Variants in GANC observed in about 807,000 individuals in gnomAD.
GANC encodes neutral alpha-glucosidase C.
GANC carries 117 observed loss-of-function variants against 124.2 expected under a neutral mutation model. The observed-to-expected ratio is 0.94, with a 90% CI of 0.81 to 1.10. The LOEUF (loss-of-function observed/expected upper bound fraction) is 1.10, where lower values mean the gene tolerates loss of function less well. GANC is among the 50% of genes least tolerant of loss of function. The probability of loss-of-function intolerance (pLI) is 0.00; values close to 1 mark genes in which losing one functional copy is unlikely to be tolerated. For missense variants in GANC, 1,140 were observed against 1,095.0 expected (o/e 1.04, Z -0.58); for synonymous variants, 377 against 376.8 (o/e 1.00, Z -0.01).
chr15:42,338,309 T>C (rs576375437), intron 15 of GANC, 80 bp from the exon 16 acceptor site: 2 of 850,402 alleles, frequency 2.4e-6, no homozygotes, highest in South Asian at 4.0e-5. Flanking sequence ...AAGTTGTCTT[T>C]TACAAATAAG....
At chr15:42,309,771 C>A (rs1402795840) in intron 8 of GANC, among the ~76,000 whole-genome samples, 2 of 151,914 alleles carry the variant, frequency 1.3e-5, no homozygotes, top group Non-Finnish European at 2.9e-5. Flanking sequence ...GTAATCCCAG[C>A]ACTTTGGGAG....
At chr15:42,312,377 A>G (rs1159915249) in intron 10 of GANC, among the ~76,000 whole-genome samples, 1 of 152,164 alleles carries the variant, frequency 6.6e-6, no homozygotes, top group Non-Finnish European at 1.5e-5. Flanking sequence ...GTGATAGTGA[A>G]TGAGTCTCAT....
intron 12 of GANC, among the ~76,000 whole-genome samples, chr15:42,326,731 G>A (rs1233179133): frequency 6.6e-6 from 1 of 152,098 alleles, no homozygotes; most frequent in East Asian, 1.9e-4. Flanking sequence ...AAGCAGAGGA[G>A]GAGAAAGAAA....
rs1268372132 is a variant in GANC, at chr15:42,353,029, AC to A, written c.*892del. On this transcript the variant is annotated 3_prime_UTR_variant, in exon 24 of 24. Coordinates refer to ENST00000318010, the MANE Select transcript of GANC (RefSeq NM_198141.3). ...AAAAATCAGAATTAATGCAAAAAAAACCATGATGAACAAAATATTAAAATTT... is the reference window on the plus strand; with the variant it reads ...AAAAATCAGAATTAATGCAAAAAAAACATGATGAACAAAATATTAAAATTT... 9.8e-6 allele frequency: 8 copies of A among 818,042 alleles called. No homozygotes were observed. Among genetic ancestry groups the A allele is most frequent in the African/African-American group, 1.9e-5 (1 of 53,690 alleles). 50.7% of individuals were successfully genotyped at this position (818,042 alleles called of 1,614,324 possible).
At chr15:42,292,440 C>G (rs189321540) in intron 4 of GANC, among the ~76,000 whole-genome samples, 1 of 150,982 alleles carries the variant, frequency 6.6e-6, no homozygotes, top group East Asian at 1.9e-4. Context: ...TCATTTAATT[C>G]TCTCCAAAAA....
chr15:42,310,912 G>A lies in GANC; in HGVS notation c.1057+66G>A, dbSNP rs568717705. The A allele has an allele frequency of 1.8e-5, 27 of 1,527,484 alleles. No homozygotes were observed. The Admixed American group carries it at 2.9e-4, about 17-fold the overall frequency. The allele number at this position is 1,527,484 out of a possible 1,614,324, so 94.6% of individuals were successfully genotyped here. On this transcript the variant is annotated intron_variant, in intron 10 of 23. Transcript: ENST00000318010. Reference sequence around the variant, plus strand: ...TATCCAATGTCCCATGTGTCATCACGGTAAGTTAATATTTGTTGTATACTA... The same window carrying A: ...TATCCAATGTCCCATGTGTCATCACAGTAAGTTAATATTTGTTGTATACTA...
At chr15:42,313,593 G>A (rs2412697) in intron 10 of GANC, 141,324 of 155,100 alleles carry the variant, frequency 0.91, 65,756 homozygotes, top group Non-Finnish European at 1. Context: ...CACTGAGGGC[G>A]CATGCAGCCT....
chr15:42,309,381 G>A (rs910184057), intron 8 of GANC, among the ~76,000 whole-genome samples: 13 of 151,472 alleles, frequency 8.6e-5, no homozygotes, highest in Non-Finnish European at 7.4e-5. Context: ...GTGCGGTGGC[G>A]TGATCTCGGC....
chr15:42,331,098 T>C (rs1205852423), intron 15 of GANC, among the ~76,000 whole-genome samples: 1 of 152,326 alleles, frequency 6.6e-6, no homozygotes, highest in Non-Finnish European at 1.5e-5. Context: ...CACACTCAGC[T>C]GATGCCTTCC....
intron 2 of GANC, among the ~76,000 whole-genome samples, 157 bp downstream of exon 2, chr15:42,276,567 C>T (rs886227127): frequency 2.0e-5 from 3 of 152,142 alleles, no homozygotes; most frequent in Non-Finnish European, 4.4e-5. Flanking sequence ...TAACTTTATA[C>T]ATTTACTCCT....
intron 10 of GANC, among the ~76,000 whole-genome samples, chr15:42,311,217 A>G (rs1481926983): frequency 6.6e-6 from 1 of 152,248 alleles, no homozygotes; most frequent in Non-Finnish European, 1.5e-5. Context: ...AAAGAATGCA[A>G]GCTTTTCTCT....
At chr15:42,297,842 TTC>T in intron 6 of GANC, among the ~76,000 whole-genome samples, 186 bp downstream of exon 6, 1 of 4,160 alleles carries the variant, frequency 2.4e-4, no homozygotes, top group Non-Finnish European at 0.01. Flanking sequence ...CATTTATTCA[TTC>T]ATTCATTCAT....
chr15:42,290,241 A>T (rs926337770), intron 4 of GANC, among the ~76,000 whole-genome samples: 18 of 152,216 alleles, frequency 1.2e-4, no homozygotes, highest in African/African-American at 4.1e-4. Context: ...TCTGATTATC[A>T]TGCAGAATTC....
intron 20 of GANC, 93 bp from the exon 21 acceptor site, chr15:42,348,010 A>G: frequency 2.8e-6 from 2 of 726,084 alleles, no homozygotes; most frequent in Non-Finnish European, 4.3e-6. Context: ...GTACTTGTAG[A>G]CTGTGAATTT....
intron 11 of GANC, among the ~76,000 whole-genome samples, chr15:42,324,952 A>G (rs542969378): frequency 1.7e-4 from 26 of 152,266 alleles, no homozygotes; most frequent in African/African-American, 6.3e-4. Context: ...ATTTTATGTT[A>G]TGTGTATTTT....
intron 6 of GANC, among the ~76,000 whole-genome samples, chr15:42,303,827 C>T (rs2051969673): frequency 6.6e-6 from 1 of 151,994 alleles, no homozygotes. Context: ...TATATGCACC[C>T]AATACAGGAG....
rs1455825391 is a variant in GANC, at chr15:42,305,120, TA to T, written c.559-1423del. Among the ~76,000 whole-genome samples, 6 of 152,288 alleles carry T rather than the reference TA, an allele frequency of 3.9e-5. No homozygotes were observed. In the South Asian group the frequency reaches 1.0e-3, roughly 26 times the overall value. On this transcript the variant is annotated intron_variant, in intron 6 of 23. Transcript: ENST00000318010. ...CCAAAATTGACAAATGGGATCTGATTAAACTGAGGAGCTTCTGCACAGCGAA... is the reference window on the plus strand; with the variant it reads ...CCAAAATTGACAAATGGGATCTGATTAACTGAGGAGCTTCTGCACAGCGAA...
intron 6 of GANC, 69 bp from the exon 7 acceptor site, chr15:42,306,477 T>G: frequency 1.2e-5 from 14 of 1,176,510 alleles, no homozygotes; most frequent in South Asian, 2.7e-5. Context: ...CCAAATAAAA[T>G]GAGCTATTGT....
intron 12 of GANC, 112 bp from the exon 13 acceptor site, chr15:42,327,244 CTTTCGTG>C (rs1231164940): frequency 1.4e-6 from 1 of 694,434 alleles, no homozygotes; most frequent in African/African-American, 1.8e-5. Flanking sequence ...TGTCAGCCAA[CTTTCGTG>C]TTTATGTAAG....
Sources: gnomAD v4.1 joint callset for allele counts (sites outside exome capture counted in the v4.1 genomes callset) on GRCh38, gnomAD v4.1.1 for gene constraint, MANE v1.5 for transcripts, NCBI Gene and HGNC (gene_info 2026-07-23, HGNC 2026-07-21) for gene names.